Variants in FBXW11 observed in about 807,000 individuals in gnomAD.
FBXW11 encodes F-box and WD repeat domain containing 11.
FBXW11 carries 19 observed loss-of-function variants against 77.6 expected under a neutral mutation model. The observed-to-expected ratio is 0.24, with a 90% confidence interval of 0.17 to 0.36. The LOEUF is 0.36. Ranked by LOEUF, FBXW11 falls within the 10% of genes least tolerant of loss-of-function variation. The pLI is 1.00. For missense variants in FBXW11, 334 were observed against 704.2 expected (o/e 0.47, Z 5.95); for synonymous variants, 235 against 249.4 (o/e 0.94, Z 0.54).
chr5:171,916,979 G>A (rs1042300453), intron 2 of FBXW11, among the ~76,000 whole-genome samples: 6 of 152,012 alleles, frequency 3.9e-5, no homozygotes, highest in Non-Finnish European at 5.9e-5. Context: ...GGAGTGCAAC[G>A]GTGTGATCTC....
intron 7 of FBXW11, among the ~76,000 whole-genome samples, chr5:171,890,943 A>T (rs1396394149): frequency 6.6e-6 from 1 of 152,252 alleles, no homozygotes. Context: ...TACAAAGTTT[A>T]AAAAACATGT....
At chr5:171,868,497 C>A (rs372538062) in intron 13 of FBXW11, 113 bp downstream of exon 13, 1 of 805,890 alleles carries the variant, frequency 1.2e-6, no homozygotes, top group Non-Finnish European at 2.0e-6. Context: ...AAAGTTGACA[C>A]GTCTAAGAGA....
At chr5:171,916,581 AT>A in intron 2 of FBXW11, 1 of 455,400 alleles carries the variant, frequency 2.2e-6, no homozygotes, top group Non-Finnish European at 2.9e-6. Flanking sequence ...AGGTCTCTCC[AT>A]GTAATCTTTT....
rs1763726242 is a variant in FBXW11, at chr5:171,958,383, AAT to A, written c.46-687_46-686del. ...AGGTAAAATCACAGGAGACCTAAAG[AAT>A]AAGGCAAAAAGAACAAGAAAGATGG... is the stretch of plus-strand genomic sequence containing the variant. On this transcript the variant is annotated intron_variant, in intron 1 of 13. Transcript: ENST00000517395. 1.3e-5 allele frequency among the ~76,000 whole-genome samples: 2 copies of A among 152,342 alleles called. 1 individual carries two copies. The highest frequency in any genetic ancestry group is 4.1e-4 in the South Asian group (2 of 4,830).
At chr5:171,889,527 C>CA (rs34406226) in intron 7 of FBXW11, among the ~76,000 whole-genome samples, 3,465 of 109,138 alleles carry the variant, frequency 0.032, 139 homozygotes, top group African/African-American at 0.11. Context: ...GACTCCATCT[C>CA]AAAAAAAAAA....
intron 1 of FBXW11, among the ~76,000 whole-genome samples, chr5:172,005,926 C>A (rs570397300): frequency 6.6e-6 from 1 of 152,120 alleles, no homozygotes; most frequent in Non-Finnish European, 1.5e-5. Context: ...TCCCTGCCCC[C>A]CCAGCTCTGT....
intron 13 of FBXW11, among the ~76,000 whole-genome samples, chr5:171,866,891 T>C (rs113225093): frequency 6.6e-6 from 1 of 152,054 alleles, no homozygotes; most frequent in African/African-American, 2.4e-5. Flanking sequence ...GAAGCATCTA[T>C]CCAGAAAGAA....
At chr5:171,894,617 C>T (rs1451317078) in intron 6 of FBXW11, among the ~76,000 whole-genome samples, 4 of 151,954 alleles carry the variant, frequency 2.6e-5, no homozygotes, top group Non-Finnish European at 5.9e-5. Context: ...CTGTCAACTA[C>T]GCCGGCCTAA....
At chr5:171,906,141 G>A in intron 4 of FBXW11, among the ~76,000 whole-genome samples, 1 of 152,192 alleles carries the variant, frequency 6.6e-6, no homozygotes, top group Non-Finnish European at 1.5e-5. Flanking sequence ...CAGCTGCTTA[G>A]ATCATACAAT....
chr5:172,005,201 A>G (rs1298773410), intron 1 of FBXW11, among the ~76,000 whole-genome samples: 1 of 152,180 alleles, frequency 6.6e-6, no homozygotes, highest in Non-Finnish European at 1.5e-5. Flanking sequence ...ACATTTTCAC[A>G]CTGAAGAAAA....
intron 1 of FBXW11, among the ~76,000 whole-genome samples, chr5:171,964,999 T>C (rs1006613023): frequency 3.9e-5 from 6 of 152,050 alleles, no homozygotes; most frequent in Non-Finnish European, 7.4e-5. Flanking sequence ...GGGATATATG[T>C]TAAGGGAAGA....
intron 2 of FBXW11, among the ~76,000 whole-genome samples, chr5:171,956,181 T>C (rs1033563076): frequency 6.6e-6 from 1 of 152,214 alleles, no homozygotes; most frequent in Non-Finnish European, 1.5e-5. Flanking sequence ...ACACCTATTA[T>C]AATACACCTA....
intron 4 of FBXW11, chr5:171,908,992 A>T (rs2113922572): frequency 6.6e-6 from 1 of 152,382 alleles, no homozygotes; most frequent in African/African-American, 2.4e-5. Flanking sequence ...GCTTATTTTG[A>T]CATGGCAATT....
At chr5:171,937,555 G>A (rs542957310) in intron 2 of FBXW11, among the ~76,000 whole-genome samples, 37 of 152,216 alleles carry the variant, frequency 2.4e-4, no homozygotes, top group Non-Finnish European at 4.6e-4. Context: ...CGCAGTGGGG[G>A]CCGGATACAG....
intron 2 of FBXW11, among the ~76,000 whole-genome samples, chr5:171,956,872 T>C (rs1164607004): frequency 6.6e-6 from 1 of 152,220 alleles, no homozygotes; most frequent in African/African-American, 2.4e-5. Context: ...GCTACAATGT[T>C]TTCTTCCTTG....
intron 6 of FBXW11, among the ~76,000 whole-genome samples, chr5:171,895,355 A>T (rs1218393986): frequency 6.6e-6 from 1 of 152,196 alleles, no homozygotes; most frequent in South Asian, 2.1e-4. Context: ...TTATTTTTAG[A>T]AGCCTAAACA....
At chr5:171,908,531 A>G (rs1760675939) in intron 4 of FBXW11, among the ~76,000 whole-genome samples, 1 of 152,204 alleles carries the variant, frequency 6.6e-6, no homozygotes, top group Admixed American at 6.6e-5. Context: ...GATCCCCTTC[A>G]GCAATTAAAT....
At chr5:171,965,339 A>C (rs1393169790) in intron 1 of FBXW11, among the ~76,000 whole-genome samples, 1 of 152,162 alleles carries the variant, frequency 6.6e-6, no homozygotes. Flanking sequence ...AGCCTGGCCA[A>C]CATAGTGAAA....
intron 2 of FBXW11, among the ~76,000 whole-genome samples, chr5:171,948,234 CAAAA>C (rs765248373): frequency 6.8e-5 from 3 of 44,336 alleles, no homozygotes; most frequent in Non-Finnish European, 1.5e-4. Context: ...GACTCCAACT[CAAAA>C]AAAAAAAAAA....
Sources: gnomAD v4.1 joint callset for allele counts (sites outside exome capture counted in the v4.1 genomes callset) on GRCh38, gnomAD v4.1.1 for gene constraint, MANE v1.5 for transcripts, NCBI Gene and HGNC (gene_info 2026-07-23, HGNC 2026-07-21) for gene names.